Variants in CNBD1 observed in about 807,000 individuals in gnomAD.
CNBD1 encodes cyclic nucleotide binding domain containing 1.
In CNBD1, 71 loss-of-function variants were observed where a neutral mutation model predicts 54.4. That is an observed-to-expected ratio of 1.30 (90% CI 1.08 to 1.59). The LOEUF (loss-of-function observed/expected upper bound fraction) is 1.59, where lower values mean the gene tolerates loss of function less well. Among genes scored for constraint, CNBD1 ranks in the 40% most tolerant of loss-of-function variants. The pLI is 0.00. For missense variants in CNBD1, 659 were observed against 518.0 expected, an observed-to-expected ratio of 1.27 and a Z score of -2.64; for synonymous variants, 182 against 170.7, an observed-to-expected ratio of 1.07 and a Z score of -0.51.
At chr8:87,245,532 A>G (rs1327350185) in intron 6 of CNBD1, among the ~76,000 whole-genome samples, 2 of 152,024 alleles carry the variant, frequency 1.3e-5, no homozygotes, top group Non-Finnish European at 2.9e-5. Flanking sequence ...ACATCAAAAT[A>G]TAATCAAGCT....
chr8:86,951,273 G>C (rs890760667), intron 4 of CNBD1, among the ~76,000 whole-genome samples: 1 of 151,852 alleles, frequency 6.6e-6, no homozygotes, highest in Non-Finnish European at 1.5e-5. Context: ...GATCTTTTTA[G>C]CTACATTCAG....
chr8:86,943,872 C>T (rs559386323), intron 4 of CNBD1, among the ~76,000 whole-genome samples: 1 of 151,912 alleles, frequency 6.6e-6, no homozygotes, highest in Non-Finnish European at 1.5e-5. Context: ...AGAAGAACAA[C>T]AACTAGATGC....
chr8:86,894,036 T>TTA (rs1808812267), intron 2 of CNBD1, among the ~76,000 whole-genome samples: 1 of 10,396 alleles, frequency 9.6e-5, no homozygotes, highest in Non-Finnish European at 1.8e-4. Context: ...AATAGATTAA[T>TTA]TTTTTTTTTT....
intron 4 of CNBD1, among the ~76,000 whole-genome samples, chr8:86,989,742 T>A (rs1808699747): frequency 6.6e-6 from 1 of 152,192 alleles, no homozygotes; most frequent in Non-Finnish European, 1.5e-5. Context: ...TGAGCCACCA[T>A]GCCTGGCTAG....
chr8:87,234,261 T>A (rs1252708365), intron 5 of CNBD1, among the ~76,000 whole-genome samples: 1 of 152,160 alleles, frequency 6.6e-6, no homozygotes, highest in African/African-American at 2.4e-5. Flanking sequence ...TGACCTCCTC[T>A]CATGAATCAC....
intron 4 of CNBD1, among the ~76,000 whole-genome samples, chr8:86,961,152 C>G (rs1047068983): frequency 1.3e-5 from 2 of 152,128 alleles, no homozygotes; most frequent in African/African-American, 2.4e-5. Flanking sequence ...ATAAACACAT[C>G]TAGACATGTA....
chr8:87,100,534 A>C (rs1365934135), intron 4 of CNBD1, among the ~76,000 whole-genome samples: 1 of 152,124 alleles, frequency 6.6e-6, no homozygotes, highest in East Asian at 1.9e-4. Context: ...GCTGGAGTGC[A>C]GTGGTGCAGT....
intron 2 of CNBD1, among the ~76,000 whole-genome samples, chr8:87,427,668 G>A (rs1246360900): frequency 6.6e-6 from 1 of 152,076 alleles, no homozygotes; most frequent in Non-Finnish European, 1.5e-5. Context: ...TTCATCACAA[G>A]TAAAAAGTGA....
At chr8:87,092,346 TGTG>T (rs924386600) in intron 4 of CNBD1, among the ~76,000 whole-genome samples, 1 of 140,564 alleles carries the variant, frequency 7.1e-6, no homozygotes, top group Non-Finnish European at 1.5e-5. Context: ...ACTGGCTCAG[TGTG>T]TGTGTGTGTG....
intron 4 of CNBD1, among the ~76,000 whole-genome samples, chr8:87,176,642 G>A (rs1040426361): frequency 2.0e-5 from 3 of 148,126 alleles, no homozygotes; most frequent in Non-Finnish European, 4.5e-5. Context: ...GGCCCACCAC[G>A]CCCGGCTAAA....
chr8:87,131,683 A>C (rs1227074343), intron 4 of CNBD1, among the ~76,000 whole-genome samples: 1 of 151,968 alleles, frequency 6.6e-6, no homozygotes, highest in Non-Finnish European at 1.5e-5. Flanking sequence ...TTTGATCCAT[A>C]GATTTTTTTG....
At chr8:87,233,878 T>C (rs1309765623) in intron 5 of CNBD1, among the ~76,000 whole-genome samples, 1 of 152,216 alleles carries the variant, frequency 6.6e-6, no homozygotes. Flanking sequence ...GATAGCATTT[T>C]ACCCACAAAA....
chr8:87,250,726 A>G (rs1288693581), intron 6 of CNBD1, among the ~76,000 whole-genome samples: 1 of 152,224 alleles, frequency 6.6e-6, no homozygotes, highest in Non-Finnish European at 1.5e-5. Context: ...AGGCACAGAA[A>G]GAGAAATATT....
In CNBD1 at chr8:86,934,983, G is replaced by A. The variant is rs13276067; in HGVS notation, c.273-4613G>A. On this transcript the variant is annotated intron_variant, in intron 3 of 10. Transcript: ENST00000518476. ...TTGCTGGAAACTACATATGACTTTT[G>A]TATTTTTCTGGAAGCATTTGGGTTT... 7.4e-3 allele frequency among the ~76,000 whole-genome samples: 1,124 copies of A among 151,978 alleles called. 6 individuals are homozygous for A. Among genetic ancestry groups the A allele is most frequent in the Non-Finnish European group, 0.012 (822 of 67,964 alleles).
intron 2 of CNBD1, among the ~76,000 whole-genome samples, chr8:87,405,290 A>G (rs1204148385): frequency 6.6e-6 from 1 of 152,092 alleles, no homozygotes; most frequent in Non-Finnish European, 1.5e-5. Flanking sequence ...TATCAATAAT[A>G]TGGTAAACTT....
intron 4 of CNBD1, among the ~76,000 whole-genome samples, chr8:86,977,343 C>T (rs948356157): frequency 6.6e-6 from 1 of 152,024 alleles, no homozygotes; most frequent in Non-Finnish European, 1.5e-5. Context: ...ATATGTCATC[C>T]ACTTGATGGT....
At position 87,045,551 on chromosome 8, in the gene CNBD1, C is replaced by A. The variant is rs200913367; in HGVS notation, c.431+105797C>A. Among the ~76,000 whole-genome samples the A allele has an allele frequency of 1.4e-4, 22 of 151,812 alleles. No homozygotes were observed. The East Asian group carries it at 4.3e-3, about 30-fold the overall frequency. The stretch of plus-strand genomic sequence containing the variant: ...CCATCCTGGCTAACATGGTAAAACC[C>A]CGTCTCTACTAAAAATACAAAAAAT... On this transcript the variant is annotated intron_variant, in intron 4 of 10. Transcript: ENST00000518476.
chr8:86,868,674 G>A (rs529720260), intron 1 of CNBD1, among the ~76,000 whole-genome samples: 1 of 152,182 alleles, frequency 6.6e-6, no homozygotes, highest in African/African-American at 2.4e-5. Flanking sequence ...AGTGCTTTCT[G>A]TAGTTAGTAT....
intron 4 of CNBD1, among the ~76,000 whole-genome samples, chr8:87,076,498 A>C (rs762001270): frequency 6.6e-6 from 1 of 151,934 alleles, no homozygotes; most frequent in Non-Finnish European, 1.5e-5. Context: ...GCTTGAGTGC[A>C]GTATCATGAT....
Sources: allele counts gnomAD v4.1 joint callset (sites outside exome capture counted in the v4.1 genomes callset), GRCh38; gene constraint gnomAD v4.1.1; transcripts MANE v1.5; gene names NCBI Gene and HGNC (gene_info 2026-07-23, HGNC 2026-07-21).